NAV2: variants seen among roughly 807,000 people sequenced by gnomAD.
NAV2 encodes the protein helicase, APC down-regulated 1.
Under a neutral mutation model 223.2 loss-of-function variants are expected in NAV2, and 54 were observed. The ratio of observed to expected loss-of-function variants is 0.24; its 90% CI spans 0.19 to 0.30. The LOEUF (loss-of-function observed/expected upper bound fraction) is 0.30, where lower values mean the gene tolerates loss of function less well. Ranked by LOEUF, NAV2 falls within the 10% of genes least tolerant of loss-of-function variation. The pLI, the probability that NAV2 is intolerant of heterozygous loss-of-function variation, is 1.00. For missense variants in NAV2, 2,806 were observed against 3,147.5 expected, an observed-to-expected ratio of 0.89 and a Z score of 2.60; for synonymous variants, 1,279 against 1,239.3, an observed-to-expected ratio of 1.03 and a Z score of -0.67.
chr11:19,987,279 C>T (rs1013793597), intron 11 of NAV2, among the ~76,000 whole-genome samples: 6 of 152,164 alleles, frequency 3.9e-5, no homozygotes, highest in African/African-American at 2.4e-5. Context: ...ATAATTGACC[C>T]GAATTCTTTC....
intron 11 of NAV2, among the ~76,000 whole-genome samples, chr11:19,997,258 C>T (rs1024002725): frequency 1.1e-4 from 17 of 152,148 alleles, no homozygotes; most frequent in Non-Finnish European, 1.5e-5. Flanking sequence ...TACACCTAAC[C>T]AGAAGCTGGT....
rs1170841365 is a variant in NAV2, at chr11:19,647,706, A to G, written c.76-184778A>G. ...GGTTGTGAGCCCTGGCCAAGGATGG[A>G]TGTGGAGTAGAGGGAGAAAGTCAAG... On this transcript the variant is annotated intron_variant, in intron 1 of 37. Transcript: ENST00000360655. Among the ~76,000 whole-genome samples the G allele has an allele frequency of 4.6e-5, 7 of 152,198 alleles. 1 individual carries two copies. The East Asian group carries it at 7.7e-4, about 17-fold the overall frequency.
intron 1 of NAV2, among the ~76,000 whole-genome samples, chr11:19,429,972 A>C (rs1850982802): frequency 6.6e-6 from 1 of 152,308 alleles, no homozygotes; most frequent in African/African-American, 2.4e-5. Context: ...GAGTAATTAG[A>C]AAGTCTAGCC....
intron 19 of NAV2, 91 bp downstream of exon 19, chr11:20,056,048 C>T: frequency 8.0e-7 from 1 of 1,243,806 alleles, no homozygotes. Context: ...AAGTTCACTT[C>T]CTTAACCTGA....
chr11:19,832,586 A>T lies in NAV2; in HGVS notation c.370A>T (p.Ile124Phe), dbSNP rs781350777. ...GACAGATGGCGTCCTCCTGGCCCAGATTATCCAGGTTGTGGGTAAGAGCAG... is the reference window on the plus strand; with the variant it reads ...GACAGATGGCGTCCTCCTGGCCCAGTTTATCCAGGTTGTGGGTAAGAGCAG... The part of the protein sequence containing the change: ...DVTDGVLLAQ[I>F]IQVVANEKIE... The change falls in exon 2 of 38, where the codon ATT becomes TTT. Residue 124 changes from isoleucine (I) to phenylalanine (F), a missense_variant. Physicochemically the swap from Ile to Phe is conservative, Grantham distance 21 (BLOSUM62 0). Coordinates refer to ENST00000349880, the MANE Select transcript of NAV2 (RefSeq NM_145117.5). The T allele has an allele frequency of 6.2e-7, 1 of 1,614,128 alleles. No individual in the cohort carries two copies.
intron 1 of NAV2, among the ~76,000 whole-genome samples, chr11:19,479,501 A>G (rs956341326): frequency 6.6e-6 from 1 of 151,966 alleles, no homozygotes; most frequent in Non-Finnish European, 1.5e-5. Flanking sequence ...AATTCCCACC[A>G]CTCAGGAGGG....
intron 11 of NAV2, among the ~76,000 whole-genome samples, chr11:19,985,552 T>G (rs1165807957): frequency 1.1e-5 from 1 of 95,004 alleles, no homozygotes; most frequent in Admixed American, 1.1e-4. Flanking sequence ...AAAAAAAAGT[T>G]TTTTTTGTTT....
At chr11:19,813,630 T>A (rs916435319) in intron 1 of NAV2, among the ~76,000 whole-genome samples, 17 of 152,270 alleles carry the variant, frequency 1.1e-4, no homozygotes, top group African/African-American at 3.9e-4. Flanking sequence ...GGAGGTGGCC[T>A]GTGTAAGAAA....
In NAV2 at chr11:20,101,187, C is replaced by G; in HGVS notation, c.6417+15C>G. 1.3e-6 allele frequency: 2 copies of G among 1,593,862 alleles called. No homozygotes were observed. Among genetic ancestry groups the G allele is most frequent in the Non-Finnish European group, 8.6e-7 (1 of 1,163,402 alleles). ...AGTCCAGCAAGGTGAGGAGGTCATT[C>G]TGAGTCTGCTGTATTTTTTGGCCCT... is the stretch of plus-strand genomic sequence containing the variant. On this transcript the variant is annotated intron_variant, in intron 32 of 37. Coordinates refer to ENST00000349880, the MANE Select transcript of NAV2 (RefSeq NM_145117.5).
At position 19,868,948 on chromosome 11, in the gene NAV2, G is replaced by T. The variant is rs2062276263; in HGVS notation, c.462G>T (p.Leu154Phe). Reference sequence around the variant, plus strand: ...AGATTGAAAACATAGATGCCTGCTTGAATTTCCTGGCAGCTAAGGGAATAA... The same window carrying T: ...AGATTGAAAACATAGATGCCTGCTTTAATTTCCTGGCAGCTAAGGGAATAA... ...SQMIENIDAC[L>F]NFLAAKGINI... Residue 154 changes from leucine to phenylalanine, a missense_variant, in exon 4 of 38, where the codon TTG becomes TTT. Transcript: ENST00000349880. 1.2e-6 allele frequency: 2 copies of T among 1,613,762 alleles called. No homozygotes were observed. Among genetic ancestry groups the T allele is most frequent in the South Asian group, 1.1e-5 (1 of 91,070 alleles).
chr11:19,475,797 T>C (rs1743185406), intron 1 of NAV2, among the ~76,000 whole-genome samples: 1 of 152,204 alleles, frequency 6.6e-6, no homozygotes, highest in South Asian at 2.1e-4. Context: ...AGATGTGCCA[T>C]AAAAATCGGT....
exon 1 of NAV2, chr11:19,350,737 G>A: frequency 1.8e-6 from 1 of 570,072 alleles, no homozygotes; most frequent in Non-Finnish European, 3.2e-6. Context: ...CATGATGCCG[G>A]CAGCAGTCAC....
chr11:19,869,845 T>C (rs892848634), intron 4 of NAV2, among the ~76,000 whole-genome samples: 1 of 152,118 alleles, frequency 6.6e-6, no homozygotes. Context: ...AGAAGAACAA[T>C]GAGGAAGGAA....
intron 1 of NAV2, among the ~76,000 whole-genome samples, chr11:19,423,159 T>C (rs1461484136): frequency 6.6e-6 from 1 of 152,274 alleles, no homozygotes; most frequent in Non-Finnish European, 1.5e-5. Context: ...ATATGGTTTA[T>C]CCATTATTTT....
chr11:19,690,628 G>A (rs889154540), intron 1 of NAV2, among the ~76,000 whole-genome samples: 1 of 152,158 alleles, frequency 6.6e-6, no homozygotes, highest in Non-Finnish European at 1.5e-5. Flanking sequence ...CACATGTGTT[G>A]GTTCCCCACC....
intron 1 of NAV2, among the ~76,000 whole-genome samples, chr11:19,456,780 C>T (rs897251359): frequency 7.9e-5 from 12 of 152,238 alleles, no homozygotes; most frequent in East Asian, 1.9e-4. Context: ...ACCCCATTCT[C>T]GCTCTCCCTT....
At position 19,926,018 on chromosome 11, in the gene NAV2, C is replaced by T. The variant is rs374054991; in HGVS notation, c.932-7158C>T. Among the ~76,000 whole-genome samples the T allele has an allele frequency of 7.9e-5, 12 of 152,150 alleles. No homozygotes were observed. The East Asian group carries it at 2.3e-3, about 29-fold the overall frequency. ...GTTTTGAAATCAGAAAGTGTGAGGC[C>T]TCCAACTTTGTTCTTTTTCAAGATT... On this transcript the variant is annotated intron_variant, in intron 6 of 37. Transcript: ENST00000349880.
intron 1 of NAV2, 94 bp downstream of exon 1, chr11:19,714,056 G>C: frequency 6.7e-7 from 1 of 1,481,634 alleles, no homozygotes; most frequent in South Asian, 1.3e-5. Flanking sequence ...TGGGAGAAGG[G>C]TCTACCATGT....
intron 4 of NAV2, among the ~76,000 whole-genome samples, chr11:19,879,393 A>G (rs564871164): frequency 6.6e-6 from 1 of 152,260 alleles, no homozygotes; most frequent in East Asian, 1.9e-4. Flanking sequence ...AGAGCCACGT[A>G]TTTGAGAGTA....
Sources: gnomAD v4.1 joint callset for allele counts (sites outside exome capture counted in the v4.1 genomes callset) on GRCh38, gnomAD v4.1.1 for gene constraint, MANE v1.5 for transcripts, NCBI Gene and HGNC (gene_info 2026-07-23, HGNC 2026-07-21) for gene names.